MIPOL1: variants seen among roughly 807,000 people sequenced by gnomAD.
MIPOL1 encodes mirror-image polydactyly gene 1 protein.
MIPOL1 carries 57 observed loss-of-function variants against 60.9 expected under a neutral mutation model. The observed-to-expected ratio is 0.94, with a 90% confidence interval of 0.76 to 1.17. The LOEUF (loss-of-function observed/expected upper bound fraction) is 1.17, where lower values mean the gene tolerates loss of function less well. Ranked by LOEUF, MIPOL1 falls within the 50% of genes most tolerant of loss-of-function variation. MIPOL1 has a pLI of 0.00. For missense variants in MIPOL1, 551 were observed against 511.6 expected (o/e 1.08, Z -0.74); for synonymous variants, 179 against 168.8 (o/e 1.06, Z -0.47).
chr14:37,432,332 C>G (rs1312242522), intron 11 of MIPOL1, among the ~76,000 whole-genome samples: 1 of 152,142 alleles, frequency 6.6e-6, no homozygotes, highest in Non-Finnish European at 1.5e-5. Flanking sequence ...TGCTTCTGTT[C>G]TTTATGTATA....
intron 1 of MIPOL1, among the ~76,000 whole-genome samples, chr14:37,235,805 A>G (rs1416516423): frequency 1.3e-5 from 2 of 152,018 alleles, no homozygotes; most frequent in African/African-American, 4.8e-5. Context: ...GAATCTGCCT[A>G]TTCTAGGGAC....
chr14:37,388,774 A>G (rs751361612), intron 10 of MIPOL1, among the ~76,000 whole-genome samples: 9 of 152,088 alleles, frequency 5.9e-5, no homozygotes, highest in Non-Finnish European at 4.4e-5. Flanking sequence ...GCTTCTTTCA[A>G]CATGATGATT....
At chr14:37,474,263 T>C (rs1163623525) in intron 11 of MIPOL1, among the ~76,000 whole-genome samples, 1 of 152,210 alleles carries the variant, frequency 6.6e-6, no homozygotes, top group Non-Finnish European at 1.5e-5. Flanking sequence ...TAGGTTTTTA[T>C]TGGGTAAAAA....
chr14:37,268,561 G>T, intron 4 of MIPOL1, 97 bp from the exon 5 acceptor site: 2 of 885,336 alleles, frequency 2.3e-6, no homozygotes, highest in Non-Finnish European at 3.4e-6. Context: ...CCTTTATGGT[G>T]TTTGCTTACA....
chr14:37,483,318 T>A (rs1256811553), intron 11 of MIPOL1, among the ~76,000 whole-genome samples: 1 of 152,078 alleles, frequency 6.6e-6, no homozygotes, highest in Non-Finnish European at 1.5e-5. Flanking sequence ...TCTTGCCACG[T>A]TGACCAGACT....
chr14:37,351,222 T>A (rs1179499709), intron 9 of MIPOL1, among the ~76,000 whole-genome samples: 2 of 146,624 alleles, frequency 1.4e-5, no homozygotes, highest in African/African-American at 5.1e-5. Context: ...TCCATGTCCC[T>A]ACCAAGGACA....
chr14:37,296,527 GAAAAGATCAACA>G (rs1446161665), intron 7 of MIPOL1, among the ~76,000 whole-genome samples: 1 of 152,028 alleles, frequency 6.6e-6, no homozygotes, highest in African/African-American at 2.4e-5. Context: ...CTGGTTTTTT[GAAAAGATCAACA>G]AAATTGATAG....
chr14:37,465,005 C>G (rs2094581694), intron 11 of MIPOL1, among the ~76,000 whole-genome samples: 1 of 152,108 alleles, frequency 6.6e-6, no homozygotes, highest in Non-Finnish European at 1.5e-5. Context: ...AGACATGTAT[C>G]TGCTGGCCTC....
intron 7 of MIPOL1, among the ~76,000 whole-genome samples, chr14:37,305,904 A>AC (rs1157101584): frequency 1.1e-4 from 16 of 151,978 alleles, no homozygotes; most frequent in Admixed American, 5.3e-4. Context: ...CAGACCTAGC[A>AC]CAGCAGCCTT....
chr14:37,430,022 G>A (rs189280886), intron 11 of MIPOL1, among the ~76,000 whole-genome samples: 1 of 152,218 alleles, frequency 6.6e-6, no homozygotes, highest in Non-Finnish European at 1.5e-5. Flanking sequence ...GACCTCGTTA[G>A]TTGTATATTC....
At chr14:37,532,493 T>C (rs1405723294) in intron 12 of MIPOL1, among the ~76,000 whole-genome samples, 2 of 152,116 alleles carry the variant, frequency 1.3e-5, no homozygotes, top group Non-Finnish European at 2.9e-5. Flanking sequence ...TGAATGGATA[T>C]TAAAGAATGA....
chr14:37,224,352 C>T (rs763935258), intron 1 of MIPOL1, among the ~76,000 whole-genome samples: 35 of 152,114 alleles, frequency 2.3e-4, no homozygotes, highest in Non-Finnish European at 3.8e-4. Context: ...TATTAGTCCA[C>T]TTTCATGCTG....
chr14:37,440,958 G>A (rs2094234915), intron 11 of MIPOL1, among the ~76,000 whole-genome samples: 1 of 152,082 alleles, frequency 6.6e-6, no homozygotes, highest in Admixed American at 6.6e-5. Context: ...CATTCTGAGT[G>A]GTGTCAATGA....
intron 12 of MIPOL1, 87 bp from the exon 13 acceptor site, chr14:37,546,818 C>A: frequency 2.9e-6 from 3 of 1,052,298 alleles, no homozygotes; most frequent in African/African-American, 1.5e-5. Flanking sequence ...TGGTCACAGG[C>A]AAATACTGTC....
At chr14:37,266,627 A>G (rs2082893005) in intron 3 of MIPOL1, among the ~76,000 whole-genome samples, 1 of 152,192 alleles carries the variant, frequency 6.6e-6, no homozygotes, top group South Asian at 2.1e-4. Flanking sequence ...CAGTTTATGA[A>G]GTGCCATATT....
At chr14:37,219,699 GTCT>G (rs1968411221) in intron 1 of MIPOL1, 1 of 152,170 alleles carries the variant, frequency 6.6e-6, no homozygotes, top group South Asian at 2.1e-4. Flanking sequence ...GAGGTATTAA[GTCT>G]TCTGTATCCC....
At chr14:37,319,467 A>G (rs2153445213) in intron 9 of MIPOL1, among the ~76,000 whole-genome samples, 1 of 152,234 alleles carries the variant, frequency 6.6e-6, no homozygotes, top group African/African-American at 2.4e-5. Context: ...TTTTCTGATA[A>G]TGCAGAAAGT....
chr14:37,348,622 C>T (rs949929210), intron 9 of MIPOL1, among the ~76,000 whole-genome samples: 26 of 151,406 alleles, frequency 1.7e-4, no homozygotes, highest in Non-Finnish European at 2.9e-4. Context: ...TATATTATAA[C>T]CATTATATAT....
At chr14:37,351,932 T>A (rs75825728) in intron 9 of MIPOL1, among the ~76,000 whole-genome samples, 2 of 150,408 alleles carry the variant, frequency 1.3e-5, no homozygotes, top group Non-Finnish European at 3.0e-5. Context: ...GTCAATTTTG[T>A]CTTTTGTTGC....
Sources: gnomAD v4.1 joint callset for allele counts (sites outside exome capture counted in the v4.1 genomes callset) on GRCh38, gnomAD v4.1.1 for gene constraint, MANE v1.5 for transcripts, NCBI Gene and HGNC (gene_info 2026-07-23, HGNC 2026-07-21) for gene names.